Variants in RBFOX1 observed in about 807,000 individuals in gnomAD.
RBFOX1 encodes the protein RNA binding fox-1 homolog 1, also known as RNA binding protein fox-1 homolog 1.
A neutral mutation model predicts 57.7 loss-of-function variants in RBFOX1; 8 were observed. The observed-to-expected ratio is 0.14, with a 90% CI of 0.08 to 0.25. The LOEUF is 0.25. Among genes scored for constraint, RBFOX1 ranks in the 10% least tolerant of loss-of-function variants. The probability of loss-of-function intolerance (pLI) is 1.00; values close to 1 mark genes in which losing one functional copy is unlikely to be tolerated. For missense variants in RBFOX1, 611 were observed against 548.5 expected (o/e 1.11, Z -1.14); for synonymous variants, 326 against 222.4 (o/e 1.47, Z -4.15).
At position 6,538,713 on chromosome 16, in the gene RBFOX1, C is replaced by G. The variant is rs149193783; in HGVS notation, c.-63-115890C>G. ...AACCAAGGTAAACACAGAATTCTCA[C>G]TAACTTTTGACGACTGAATGTGTTT... is the stretch of plus-strand genomic sequence containing the variant. On this transcript the variant is annotated intron_variant, in intron 2 of 15. Transcript: ENST00000550418. Among the ~76,000 whole-genome samples, 103 of 152,294 alleles carry G rather than the reference C, an allele frequency of 6.8e-4. 1 individual carries two copies. In the East Asian group the frequency reaches 0.017, roughly 25 times the overall value.
chr16:5,394,863 C>T (rs532949575), intron 1 of RBFOX1, among the ~76,000 whole-genome samples: 2 of 151,900 alleles, frequency 1.3e-5, no homozygotes, highest in East Asian at 3.9e-4. Context: ...CTTTTTTTTC[C>T]TTATTATGGC....
At chr16:7,117,454 A>G (rs984588160) in intron 4 of RBFOX1, among the ~76,000 whole-genome samples, 1 of 152,190 alleles carries the variant, frequency 6.6e-6, no homozygotes, top group Non-Finnish European at 1.5e-5. Flanking sequence ...GTAAGTTGGA[A>G]TTCTAGCTTA....
chr16:7,528,064 A>G lies in RBFOX1; in HGVS notation c.270+9675A>G, dbSNP rs911775916. On this transcript the variant is annotated intron_variant, in intron 5 of 15. Coordinates refer to ENST00000550418, the MANE Select transcript of RBFOX1 (RefSeq NM_018723.4). ...CTAAGTCTAGGTCGTGGGCAAACAAAGTGAGATTCATTAGAGAAGGAAATG... is the reference window on the plus strand; with the variant it reads ...CTAAGTCTAGGTCGTGGGCAAACAAGGTGAGATTCATTAGAGAAGGAAATG... 3.3e-5 allele frequency among the ~76,000 whole-genome samples: 5 copies of G among 152,362 alleles called. No individual in the cohort carries two copies. The East Asian group carries it at 5.8e-4, about 18-fold the overall frequency.
chr16:6,094,457 C>CT (rs2096219386), intron 1 of RBFOX1, among the ~76,000 whole-genome samples: 1 of 152,178 alleles, frequency 6.6e-6, no homozygotes, highest in African/African-American at 2.4e-5. Flanking sequence ...TAATCACTCT[C>CT]TAAAGTCACC....
chr16:6,139,761 C>T (rs2096699900), intron 1 of RBFOX1, among the ~76,000 whole-genome samples: 1 of 151,428 alleles, frequency 6.6e-6, no homozygotes, highest in Non-Finnish European at 1.5e-5. Flanking sequence ...CTTGATTTCT[C>T]CTTATGTATC....
chr16:6,332,566 T>C (rs2083172748), intron 2 of RBFOX1, among the ~76,000 whole-genome samples: 1 of 152,212 alleles, frequency 6.6e-6, no homozygotes, highest in Non-Finnish European at 1.5e-5. Flanking sequence ...CTTTCCTTCA[T>C]AAAATGTTCA....
intron 2 of RBFOX1, among the ~76,000 whole-genome samples, chr16:6,600,300 C>G (rs1200580140): frequency 6.6e-6 from 1 of 152,162 alleles, no homozygotes; most frequent in East Asian, 1.9e-4. Flanking sequence ...TCTCTCCTCC[C>G]CCATTTCCCT....
chr16:6,673,279 A>C (rs2098779218), intron 3 of RBFOX1, among the ~76,000 whole-genome samples: 1 of 152,088 alleles, frequency 6.6e-6, no homozygotes, highest in South Asian at 2.1e-4. Context: ...CGAAGTTGCA[A>C]GTACCAGTCA....
chr16:5,433,833 G>C (rs2067828309), intron 1 of RBFOX1, among the ~76,000 whole-genome samples: 1 of 152,086 alleles, frequency 6.6e-6, no homozygotes, highest in South Asian at 2.1e-4. Flanking sequence ...AGCACAGTAA[G>C]CGCTCAATAC....
At chr16:6,634,796 A>T (rs910392184) in intron 2 of RBFOX1, among the ~76,000 whole-genome samples, 11 of 138,720 alleles carry the variant, frequency 7.9e-5, no homozygotes, top group Non-Finnish European at 1.5e-4. Flanking sequence ...AAAGATATAC[A>T]TATATTTGTA....
At chr16:5,411,215 C>G (rs1418814223) in intron 1 of RBFOX1, among the ~76,000 whole-genome samples, 1 of 152,182 alleles carries the variant, frequency 6.6e-6, no homozygotes, top group African/African-American at 2.4e-5. Flanking sequence ...AACAAGTCAC[C>G]TTGCATGGCG....
intron 3 of RBFOX1, among the ~76,000 whole-genome samples, chr16:6,957,626 T>C (rs2082147241): frequency 1.3e-5 from 2 of 152,102 alleles, no homozygotes; most frequent in Non-Finnish European, 2.9e-5. Flanking sequence ...GCAAGGTCTT[T>C]ATGACCCGTA....
chr16:5,248,054 A>T (rs1296543511), intron 1 of RBFOX1, among the ~76,000 whole-genome samples: 1 of 152,188 alleles, frequency 6.6e-6, no homozygotes, highest in Non-Finnish European at 1.5e-5. Context: ...TTTTCCTAAG[A>T]TGGGTCTCCA....
chr16:6,700,704 A>T (rs1215268132), intron 3 of RBFOX1, among the ~76,000 whole-genome samples: 2 of 152,286 alleles, frequency 1.3e-5, no homozygotes, highest in East Asian at 3.9e-4. Context: ...CCATAAGTAG[A>T]TTCGTGAAAC....
In RBFOX1 at chr16:5,590,895, C is replaced by T. The variant is rs1051997731; in HGVS notation, c.259-8007C>T. On this transcript the variant is annotated intron_variant, in intron 2 of 2. Coordinates refer to the RBFOX1 transcript ENST00000585867. Reference sequence around the variant, plus strand: ...GGTGGCTTGCATGCTGTTTATGTTTCCTGGTGAAATCCATTAAGGTATTAC... The same window carrying T: ...GGTGGCTTGCATGCTGTTTATGTTTTCTGGTGAAATCCATTAAGGTATTAC... 2.6e-5 allele frequency among the ~76,000 whole-genome samples: 4 copies of T among 152,142 alleles called. No individual in the cohort carries two copies. In the South Asian group the frequency reaches 6.2e-4, roughly 24 times the overall value.
rs186552822 is a variant in RBFOX1 at position 7,548,883 on chromosome 16, A to G, written c.270+30494A>G. On this transcript the variant is annotated intron_variant, in intron 5 of 15. Transcript: ENST00000550418. ...TTAGGGACCCACTTCATTATGAATG[A>G]CATAGTCACTATGAAGACCTGACCT... Among the ~76,000 whole-genome samples, 91 of 152,336 alleles carry G rather than the reference A, an allele frequency of 6.0e-4. 1 individual carries two copies. Among genetic ancestry groups the G allele is most frequent in the African/African-American group, 2.1e-3 (89 of 41,576 alleles).
intron 4 of RBFOX1, among the ~76,000 whole-genome samples, chr16:5,991,911 C>G (rs1000170074): frequency 8.5e-5 from 13 of 152,130 alleles, no homozygotes; most frequent in African/African-American, 2.4e-4. Flanking sequence ...AGCAACCATT[C>G]TTACCATCAC....
At chr16:7,017,312 C>T (rs1026510192) in intron 3 of RBFOX1, among the ~76,000 whole-genome samples, 11 of 152,146 alleles carry the variant, frequency 7.2e-5, no homozygotes, top group Admixed American at 3.3e-4. Context: ...TTATAGTGTA[C>T]TATAGATCCA....
Position 6,549,454 on chromosome 16 carries a change from G to A in RBFOX1, c.-63-105149G>A, listed in dbSNP as rs544466800. Among the ~76,000 whole-genome samples, 680 of 74,732 alleles carry A rather than the reference G, an allele frequency of 9.1e-3. 18 individuals carry two copies. Among genetic ancestry groups the A allele is most frequent in the Non-Finnish European group, 0.015 (557 of 36,708 alleles). 49.0% of individuals were successfully genotyped at this position (74,732 alleles called of 152,430 possible). The stretch of plus-strand genomic sequence containing the variant: ...GGAGGGAGGAGGAGGAGGGAGGAGG[G>A]AAAAGGAAGTGGGGAGGAGGGAGGA... On this transcript the variant is annotated intron_variant, in intron 2 of 15. Transcript: ENST00000550418.
Sources: allele counts gnomAD v4.1 joint callset (sites outside exome capture counted in the v4.1 genomes callset), GRCh38; gene constraint gnomAD v4.1.1; transcripts MANE v1.5; gene names NCBI Gene and HGNC (gene_info 2026-07-23, HGNC 2026-07-21).